FBLN5: variants seen among roughly 807,000 people sequenced by gnomAD.
FBLN5 encodes the protein fibulin 5.
FBLN5 carries 24 observed loss-of-function variants against 61.6 expected under a neutral mutation model. The ratio of observed to expected loss-of-function variants is 0.39; its 90% CI spans 0.28 to 0.55. The LOEUF (loss-of-function observed/expected upper bound fraction) is 0.55. Among genes scored for constraint, FBLN5 ranks in the 20% least tolerant of loss-of-function variants. The pLI, the probability that FBLN5 is intolerant of heterozygous loss-of-function variation, is 0.65. For missense variants in FBLN5, 470 were observed against 594.1 expected (o/e 0.79, Z 2.17); for synonymous variants, 213 against 219.8 (o/e 0.97, Z 0.27).
At chr14:91,914,558 C>T (rs1336182505) in intron 4 of FBLN5, among the ~76,000 whole-genome samples, 1 of 150,318 alleles carries the variant, frequency 6.7e-6, no homozygotes, top group Non-Finnish European at 1.5e-5. Flanking sequence ...TACTTGAGGC[C>T]CAGGAGATCA....
chr14:91,936,991 A>G lies in FBLN5; in HGVS notation c.335T>C (p.Ile112Thr), dbSNP rs1453754359. ...PNYPTISRPLICRFGYQMDES... is the reference protein window; with the variant it reads ...PNYPTISRPLTCRFGYQMDES... Reference sequence around the variant, plus strand: ...ATCCATCTGGTATCCAAAGCGGCATATAAGAGGCCTGGAGATCGTGGGATA... The same window carrying G: ...ATCCATCTGGTATCCAAAGCGGCATGTAAGAGGCCTGGAGATCGTGGGATA... The change falls in exon 4 of 11, where the codon ATA (isoleucine) becomes ACA (threonine). Residue 112 changes from isoleucine to threonine, a missense_variant. Physicochemically the swap from Ile to Thr is moderately conservative, Grantham distance 89. Transcript: ENST00000342058. 1.9e-5 allele frequency: 30 copies of G among 1,614,086 alleles called. No homozygotes were observed. Among genetic ancestry groups the G allele is most frequent in the Non-Finnish European group, 2.5e-5 (29 of 1,180,052 alleles).
In FBLN5 at chr14:91,882,688, CT is replaced by C. The variant is rs1889533323; in HGVS notation, c.862+265del. On this transcript the variant is annotated intron_variant, in intron 8 of 10. Transcript: ENST00000342058. The surrounding 1 kb of genome is among the most constrained non-coding windows in gnomAD (Gnocchi z 4.9). ...GGAGGCAGAAAGCCACGCTTAGAGG[CT>C]GCCGTCTGCATCTGCAGAGTTCATT... Among the ~76,000 whole-genome samples, 1 of 152,220 alleles carries C rather than the reference CT, an allele frequency of 6.6e-6. No individual in the cohort carries two copies. The highest frequency in any genetic ancestry group is 2.1e-4 in the South Asian group (1 of 4,822).
At chr14:91,939,385 G>C (rs2140051219) in intron 3 of FBLN5, among the ~76,000 whole-genome samples, 1 of 147,770 alleles carries the variant, frequency 6.8e-6, no homozygotes, top group East Asian at 2.0e-4. Context: ...TGTTGCCCAG[G>C]CTGGAGTACA....
rs535264482 is a variant in FBLN5, at chr14:91,921,104, C to T, written c.379+15843G>A. Among the ~76,000 whole-genome samples the T allele has an allele frequency of 3.9e-5, 6 of 152,218 alleles. No individual in the cohort carries two copies. The South Asian group carries it at 1.2e-3, about 32-fold the overall frequency. On this transcript the variant is annotated intron_variant, in intron 4 of 10. Transcript: ENST00000342058. ...CCTGCGGCTTCGTTGGAATTCTGAA[C>T]CCAGAAAGTAAAATCCGTCACCTGG...
intron 4 of FBLN5, among the ~76,000 whole-genome samples, chr14:91,900,762 A>T (rs1441926977): frequency 6.6e-6 from 1 of 152,220 alleles, no homozygotes; most frequent in South Asian, 2.1e-4. Context: ...ATGAATTAAC[A>T]GGAGCACAGG....
rs574780411 is a variant in FBLN5, at chr14:91,932,265, C to G, written c.379+4682G>C. Among the ~76,000 whole-genome samples, 216 of 152,302 alleles carry G rather than the reference C, an allele frequency of 1.4e-3. 2 individuals carry two copies. The Middle Eastern group carries it at 0.027, about 19-fold the overall frequency. On this transcript the variant is annotated intron_variant, in intron 4 of 10. Transcript: ENST00000342058. ...GGACTATAATTCCTAGGTCACTGTT[C>G]ACTGTGTCTGCAGAAATGTCCCAAG...
chr14:91,910,819 A>G (rs1447268249), intron 4 of FBLN5, among the ~76,000 whole-genome samples: 5 of 151,988 alleles, frequency 3.3e-5, no homozygotes, highest in Non-Finnish European at 5.9e-5. Flanking sequence ...GAAGGTAGAG[A>G]AGGGGAGGCA....
chr14:91,905,920 C>T (rs1890667024), intron 4 of FBLN5, among the ~76,000 whole-genome samples: 1 of 151,718 alleles, frequency 6.6e-6, no homozygotes, highest in Non-Finnish European at 1.5e-5. Context: ...CAAAGTCTCG[C>T]TTTGTCACCC....
chr14:91,947,625 C>T lies in FBLN5; in HGVS notation c.-396G>A, dbSNP rs1266685575. ...AACAATCTTGGGGCGTCTGCCAGGG[C>T]CCAGTGCTCGGCGCTGGGAGGAGAG... On this transcript the variant is annotated 5_prime_UTR_variant, in exon 1 of 11. Coordinates refer to ENST00000342058, the MANE Select transcript of FBLN5 (RefSeq NM_006329.4). This position sits in a 1 kb window ranked among gnomAD's most constrained non-coding sequence, Gnocchi z 4.3. 1 of 232,734 alleles carries T rather than the reference C, an allele frequency of 4.3e-6. No individual in the cohort carries two copies. The highest frequency in any genetic ancestry group is 5.1e-5 in the Admixed American group (1 of 19,724). 14.4% of individuals were successfully genotyped at this position (232,734 alleles called of 1,614,324 possible). A position where few individuals can be genotyped will look rare whatever the true frequency, so the allele number is the denominator to read the frequency against.
Position 91,906,232 on chromosome 14 carries a change from G to A in FBLN5, c.380-11160C>T, listed in dbSNP as rs141256804. On this transcript the variant is annotated intron_variant, in intron 4 of 10. Coordinates refer to ENST00000342058, the MANE Select transcript of FBLN5 (RefSeq NM_006329.4). ...GACCAACCCACTCTGCCAATCCCCT[G>A]CCCTCTCCCCACGCTTCTACCCCAG... Among the ~76,000 whole-genome samples the A allele has an allele frequency of 2.8e-3, 426 of 152,242 alleles. 4 individuals carry two copies. The South Asian group carries it at 0.029, about 10-fold the overall frequency.
intron 4 of FBLN5, among the ~76,000 whole-genome samples, chr14:91,905,162 C>T (rs1386043540): frequency 6.6e-6 from 1 of 152,160 alleles, no homozygotes; most frequent in African/African-American, 2.4e-5. Context: ...TACGCACGTG[C>T]ACCCTTCCCA....
At chr14:91,928,794 C>T (rs1175333105) in intron 4 of FBLN5, among the ~76,000 whole-genome samples, 2 of 151,970 alleles carry the variant, frequency 1.3e-5, no homozygotes, top group African/African-American at 2.4e-5. Flanking sequence ...CGCAGTGGCT[C>T]ACACCTGTAA....
At position 91,946,539 on chromosome 14, in the gene FBLN5, CA is replaced by C. The variant is rs1218114902; in HGVS notation, c.17+673del. On this transcript the variant is annotated intron_variant, in intron 1 of 10. Transcript: ENST00000342058. ...TTCAGCACACACACACACACACACA[CA>C]CCCCACAGACACATACATACGCACA... Among the ~76,000 whole-genome samples, 4 of 152,140 alleles carry C rather than the reference CA, an allele frequency of 2.6e-5. No homozygotes were observed. In the East Asian group the frequency reaches 5.8e-4, roughly 22 times the overall value.
intron 1 of FBLN5, among the ~76,000 whole-genome samples, chr14:91,944,072 G>C (rs895164798): frequency 3.3e-5 from 5 of 152,286 alleles, no homozygotes; most frequent in Admixed American, 1.3e-4. Flanking sequence ...GCTCATGCCT[G>C]TAATCCCAGC....
intron 7 of FBLN5, among the ~76,000 whole-genome samples, chr14:91,883,662 A>AAAAAAAAC (rs1889587933): frequency 6.6e-6 from 1 of 150,802 alleles, no homozygotes; most frequent in Admixed American, 6.6e-5. Context: ...AAAAACAAAA[A>AAAAAAAAC]AAACACACAC....
At chr14:91,902,290 T>G (rs573598293) in intron 4 of FBLN5, among the ~76,000 whole-genome samples, 104 of 151,768 alleles carry the variant, frequency 6.9e-4, no homozygotes, top group East Asian at 1.5e-3. Flanking sequence ...TGTTTTTTTT[T>G]TTTTTTTTTC....
At chr14:91,883,795 T>C (rs1039669825) in intron 7 of FBLN5, among the ~76,000 whole-genome samples, 4 of 152,072 alleles carry the variant, frequency 2.6e-5, no homozygotes, top group Admixed American at 1.3e-4. Context: ...CCTGGGACAA[T>C]GGAAGCAGCA....
intron 4 of FBLN5, among the ~76,000 whole-genome samples, chr14:91,936,207 T>A (rs2056012360): frequency 6.6e-6 from 1 of 152,194 alleles, no homozygotes; most frequent in Non-Finnish European, 1.5e-5. Context: ...TCTCTCAAAC[T>A]TTTGGGGTAG....
chr14:91,902,819 T>C (rs1890514662), intron 4 of FBLN5, among the ~76,000 whole-genome samples: 1 of 152,158 alleles, frequency 6.6e-6, no homozygotes, highest in African/African-American at 2.4e-5. Flanking sequence ...AACTGCAATA[T>C]TTAAGAGAGT....
Sources: gnomAD v4.1 joint callset for allele counts (sites outside exome capture counted in the v4.1 genomes callset) on GRCh38, gnomAD v4.1.1 for gene constraint, Gnocchi (gnomAD v3.1) non-coding constraint, MANE v1.5 for transcripts, NCBI Gene and HGNC (gene_info 2026-07-23, HGNC 2026-07-21) for gene names.